The following DDX10 variants were observed in gnomAD, a reference collection of about 807,000 sequenced individuals.
DDX10 encodes the protein DEAD-box helicase 10, also known as probable ATP-dependent RNA helicase DDX10.
In DDX10, 74 loss-of-function variants were observed where a neutral mutation model predicts 104.3. The ratio of observed to expected loss-of-function variants is 0.71; its 90% CI spans 0.59 to 0.86. The LOEUF is 0.86. Among genes scored for constraint, DDX10 ranks in the 40% least tolerant of loss-of-function variants. DDX10 has a pLI of 0.00. For synonymous variants in DDX10, 351 were observed against 353.4 expected (o/e 0.99, Z 0.08); for missense variants, 952 against 1,040.0 (o/e 0.92, Z 1.16).
intron 2 of DDX10, among the ~76,000 whole-genome samples, chr11:108,674,035 T>C (rs1171369191): frequency 2.0e-5 from 3 of 152,156 alleles, no homozygotes; most frequent in Non-Finnish European, 2.9e-5. Flanking sequence ...AAAAATTGTA[T>C]ATATTTGGCC....
intron 16 of DDX10, among the ~76,000 whole-genome samples, chr11:108,903,447 C>T (rs12271842): frequency 4.6e-5 from 7 of 152,174 alleles, no homozygotes; most frequent in Admixed American, 3.9e-4. Flanking sequence ...GTCCCTCATC[C>T]ATGGATTCAA....
chr11:108,736,829 C>G (rs1482217456), intron 13 of DDX10, among the ~76,000 whole-genome samples: 1 of 152,180 alleles, frequency 6.6e-6, no homozygotes, highest in Non-Finnish European at 1.5e-5. Context: ...ATAAATTACA[C>G]TGTTCCAGGT....
intron 16 of DDX10, among the ~76,000 whole-genome samples, chr11:108,875,360 C>A (rs1445696547): frequency 1.3e-5 from 2 of 152,070 alleles, no homozygotes; most frequent in Non-Finnish European, 2.9e-5. Flanking sequence ...CTGGTAGGAA[C>A]CAGAAGGTTT....
chr11:108,771,519 G>C (rs2094363097), intron 13 of DDX10, among the ~76,000 whole-genome samples: 1 of 151,862 alleles, frequency 6.6e-6, no homozygotes, highest in Admixed American at 6.6e-5. Flanking sequence ...TAATTTTTTT[G>C]TATCTTTAAT....
At chr11:108,715,116 T>C (rs1422658021) in intron 10 of DDX10, among the ~76,000 whole-genome samples, 2 of 149,094 alleles carry the variant, frequency 1.3e-5, no homozygotes, top group East Asian at 2.0e-4. Context: ...ATCTCTGTTA[T>C]AGTATGCCTA....
At chr11:108,793,474 A>G (rs553253271) in intron 13 of DDX10, among the ~76,000 whole-genome samples, 4 of 152,280 alleles carry the variant, frequency 2.6e-5, no homozygotes, top group African/African-American at 9.6e-5. Flanking sequence ...CCAGGGGTCT[A>G]GTGCCAAGTA....
At chr11:108,885,675 C>T (rs1194679351) in intron 16 of DDX10, among the ~76,000 whole-genome samples, 1 of 152,112 alleles carries the variant, frequency 6.6e-6, no homozygotes, top group Non-Finnish European at 1.5e-5. Context: ...GCGTCCGGCC[C>T]ATTTTCACAA....
At chr11:108,781,556 T>C (rs1023130188) in intron 13 of DDX10, among the ~76,000 whole-genome samples, 2 of 152,164 alleles carry the variant, frequency 1.3e-5, no homozygotes, top group Admixed American at 6.5e-5. Context: ...TATCAACCCC[T>C]TCCTTTCTCT....
chr11:108,802,613 CTT>C (rs1410189503), intron 13 of DDX10, among the ~76,000 whole-genome samples: 2 of 152,096 alleles, frequency 1.3e-5, no homozygotes, highest in East Asian at 1.9e-4. Flanking sequence ...TTTTCTGAAA[CTT>C]TTTTCTCTGA....
chr11:108,779,989 C>T (rs2094375990), intron 13 of DDX10, among the ~76,000 whole-genome samples: 1 of 152,160 alleles, frequency 6.6e-6, no homozygotes, highest in African/African-American at 2.4e-5. Context: ...GGCAAGTTAA[C>T]CTATTTTAGC....
At chr11:108,762,927 A>G (rs1489759074) in intron 13 of DDX10, among the ~76,000 whole-genome samples, 1 of 152,102 alleles carries the variant, frequency 6.6e-6, no homozygotes, top group Non-Finnish European at 1.5e-5. Context: ...CCTTCGCTGT[A>G]TGTAGAACTC....
chr11:108,917,794 C>A, intron 16 of DDX10, 79 bp from the exon 17 acceptor site: 1 of 1,402,640 alleles, frequency 7.1e-7, no homozygotes. Flanking sequence ...GAGGGATATC[C>A]ATTGGGGTCT....
intron 9 of DDX10, among the ~76,000 whole-genome samples, chr11:108,705,285 T>C (rs2094274240): frequency 2.0e-5 from 3 of 152,354 alleles, no homozygotes; most frequent in South Asian, 2.1e-4. Context: ...TTCACTACTT[T>C]AGATGCTAAT....
At chr11:108,772,926 C>T (rs1353479564) in intron 13 of DDX10, among the ~76,000 whole-genome samples, 1 of 152,148 alleles carries the variant, frequency 6.6e-6, no homozygotes, top group Non-Finnish European at 1.5e-5. Context: ...TAGTTTAACC[C>T]ACGATTGCTT....
chr11:108,799,799 C>T (rs553925347), intron 13 of DDX10, among the ~76,000 whole-genome samples: 2 of 152,300 alleles, frequency 1.3e-5, no homozygotes, highest in African/African-American at 4.8e-5. Flanking sequence ...TCTTACATCC[C>T]AGGATTCAGC....
Position 108,763,672 on chromosome 11 carries a change from C to T in DDX10, c.1965+40210C>T, listed in dbSNP as rs376589778. ...ACTCATTTGATGAAAGAAAAGTGGA[C>T]TTTCTTAATTGAATCTTTCAATTGA... On this transcript the variant is annotated intron_variant, in intron 13 of 17. Coordinates refer to ENST00000322536, the MANE Select transcript of DDX10 (RefSeq NM_004398.4). Among the ~76,000 whole-genome samples, 18 of 152,188 alleles carry T rather than the reference C, an allele frequency of 1.2e-4. No individual in the cohort carries two copies. The East Asian group carries it at 3.5e-3, about 29-fold the overall frequency.
At chr11:108,675,783 G>C in intron 3 of DDX10, 57 bp downstream of exon 3, 1 of 1,581,912 alleles carries the variant, frequency 6.3e-7, no homozygotes, top group South Asian at 1.1e-5. Flanking sequence ...AACATTCTGT[G>C]CCCAGATGCA....
At chr11:108,747,141 G>A (rs905554724) in intron 13 of DDX10, among the ~76,000 whole-genome samples, 5 of 152,118 alleles carry the variant, frequency 3.3e-5, no homozygotes, top group African/African-American at 1.2e-4. Context: ...AATGTGCATT[G>A]TGCTAGATTA....
At chr11:108,753,189 C>G (rs2094340714) in intron 13 of DDX10, among the ~76,000 whole-genome samples, 1 of 152,064 alleles carries the variant, frequency 6.6e-6, no homozygotes, top group African/African-American at 2.4e-5. Context: ...AGACTGAGTG[C>G]TCATTAAAAA....
Sources: allele counts gnomAD v4.1 joint callset (sites outside exome capture counted in the v4.1 genomes callset), GRCh38; gene constraint gnomAD v4.1.1; transcripts MANE v1.5; gene names NCBI Gene and HGNC (gene_info 2026-07-23, HGNC 2026-07-21).